CHRNA5: variants seen among roughly 807,000 people sequenced by gnomAD.
The protein encoded by CHRNA5 is neuronal acetylcholine receptor subunit alpha-5.
A neutral mutation model predicts 41.2 loss-of-function variants in CHRNA5; 28 were observed. The observed-to-expected ratio is 0.68, with a 90% confidence interval of 0.50 to 0.93. The LOEUF (loss-of-function observed/expected upper bound fraction) is 0.93, where lower values mean the gene tolerates loss of function less well. Among genes scored for constraint, CHRNA5 ranks in the 40% least tolerant of loss-of-function variants. CHRNA5 has a pLI of 0.00. For synonymous variants in CHRNA5, 188 were observed against 205.8 expected (o/e 0.91, Z 0.74); for missense variants, 481 against 581.9 (o/e 0.83, Z 1.78).
chr15:78,583,652 G>A (rs1016549647), intron 2 of CHRNA5, among the ~76,000 whole-genome samples: 11 of 150,992 alleles, frequency 7.3e-5, no homozygotes, highest in African/African-American at 2.4e-4. Context: ...CCGAGATTGC[G>A]CCACTGCACT....
exon 6 of CHRNA5, chr15:78,595,240 A>C: frequency 1.6e-5 from 15 of 964,338 alleles, no homozygotes; most frequent in Non-Finnish European, 1.9e-5. Context: ...ACTGTTACTT[A>C]TGATTTTTAT....
chr15:78,577,195 C>G (rs1000509773), intron 1 of CHRNA5, among the ~76,000 whole-genome samples: 3 of 152,196 alleles, frequency 2.0e-5, no homozygotes, highest in Non-Finnish European at 2.9e-5. Flanking sequence ...AGGTGCCCCT[C>G]AGAGCCCTGC....
At position 78,572,909 on chromosome 15, in the gene CHRNA5, C is replaced by T. The variant is rs181923667; in HGVS notation, c.106+7084C>T. Among the ~76,000 whole-genome samples, 76 of 152,176 alleles carry T rather than the reference C, an allele frequency of 5.0e-4. No individual in the cohort carries two copies. The East Asian group carries it at 0.011, about 22-fold the overall frequency. On this transcript the variant is annotated intron_variant, in intron 1 of 5. Coordinates refer to ENST00000299565, the Ensembl canonical transcript of CHRNA5. ...TTAATGGTTACCCTTGGAAGGAAGGCGAAGGAGAGGAGGAGGGAGAATTCT... is the reference window on the plus strand; with the variant it reads ...TTAATGGTTACCCTTGGAAGGAAGGTGAAGGAGAGGAGGAGGGAGAATTCT...
chr15:78,593,578 T>A (rs1448503551), exon 6 of CHRNA5: 1 of 172,760 alleles, frequency 5.8e-6, no homozygotes, highest in Non-Finnish European at 1.2e-5. Flanking sequence ...TGCTGGAGAA[T>A]TCCAGTTGTA....
intron 1 of CHRNA5, among the ~76,000 whole-genome samples, chr15:78,570,512 C>A (rs935039873): frequency 6.8e-6 from 1 of 147,220 alleles, no homozygotes; most frequent in Admixed American, 6.9e-5. Context: ...TCGAATGATC[C>A]GCCCGCCTTG....
intron 1 of CHRNA5, among the ~76,000 whole-genome samples, chr15:78,576,906 A>T (rs2052863439): frequency 6.6e-6 from 1 of 152,194 alleles, no homozygotes; most frequent in South Asian, 2.1e-4. Flanking sequence ...AATATTAACT[A>T]TTTAAAACAA....
At chr15:78,586,551 A>T (rs1041887284) in intron 2 of CHRNA5, 94 bp from the exon 3 acceptor site, 1 of 738,976 alleles carries the variant, frequency 1.4e-6, no homozygotes, top group East Asian at 2.8e-5. Flanking sequence ...CTATGTGAAG[A>T]AGAGTGTTTA....
At chr15:78,573,465 C>T (rs2052825172) in intron 1 of CHRNA5, among the ~76,000 whole-genome samples, 6 of 152,214 alleles carry the variant, frequency 3.9e-5, no homozygotes, top group Admixed American at 3.9e-4. Context: ...TCGTTTTCTG[C>T]TCTCCCTCTG....
At chr15:78,567,495 T>C (rs1184120629) in intron 1 of CHRNA5, among the ~76,000 whole-genome samples, 1 of 152,178 alleles carries the variant, frequency 6.6e-6, no homozygotes, top group Admixed American at 6.5e-5. Context: ...TCATGCATGG[T>C]GTTCAGTGTT....
intron 1 of CHRNA5, among the ~76,000 whole-genome samples, chr15:78,568,729 C>T (rs891506697): frequency 6.6e-6 from 1 of 152,090 alleles, no homozygotes; most frequent in Non-Finnish European, 1.5e-5. Context: ...AGAGAACATG[C>T]GGTGTTTGGT....
chr15:78,589,742 A>C (rs2052992745), intron 4 of CHRNA5, 63 bp from the exon 5 acceptor site: 1 of 1,286,012 alleles, frequency 7.8e-7, no homozygotes, highest in Non-Finnish European at 1.1e-6. Context: ...TTAGGCTTAT[A>C]TTAATACAAT....
chr15:78,574,637 T>G (rs2052840787), intron 1 of CHRNA5, among the ~76,000 whole-genome samples: 1 of 152,134 alleles, frequency 6.6e-6, no homozygotes, highest in South Asian at 2.1e-4. Flanking sequence ...CCATACCCAT[T>G]TAACAATTAT....
At chr15:78,579,611 A>G (rs2052891835) in intron 1 of CHRNA5, among the ~76,000 whole-genome samples, 1 of 152,094 alleles carries the variant, frequency 6.6e-6, no homozygotes, top group South Asian at 2.1e-4. Flanking sequence ...GTATCCCTAT[A>G]TCAGCATAAC....
At chr15:78,576,858 A>G (rs935091325) in intron 1 of CHRNA5, among the ~76,000 whole-genome samples, 5 of 152,120 alleles carry the variant, frequency 3.3e-5, no homozygotes, top group Non-Finnish European at 1.5e-5. Context: ...AGTGCTATAG[A>G]GATGCCAAAA....
In CHRNA5 at chr15:78,588,521, G is replaced by A. The variant is rs2052982076; in HGVS notation, c.413+98G>A. ...TTTTCTCCCTTTTGAAATTGTTTAGGTATAAAAATCAAATGACATGACCGC... is the reference window on the plus strand; with the variant it reads ...TTTTCTCCCTTTTGAAATTGTTTAGATATAAAAATCAAATGACATGACCGC... On this transcript the variant is annotated intron_variant, in intron 4 of 5. Transcript: ENST00000299565. The surrounding 1 kb of genome is among the most constrained non-coding windows in gnomAD (Gnocchi z 4.1). 5.3e-6 allele frequency: 3 copies of A among 569,848 alleles called. 1 individual carries two copies. The highest frequency in any genetic ancestry group is 6.6e-5 in the South Asian group (2 of 30,514). The allele number at this position is 569,848 out of a possible 1,614,324, so 35.3% of individuals were successfully genotyped here.
intron 5 of CHRNA5, among the ~76,000 whole-genome samples, chr15:78,591,809 C>A (rs1294615124): frequency 6.6e-6 from 1 of 152,136 alleles, no homozygotes; most frequent in Non-Finnish European, 1.5e-5. Flanking sequence ...ATAAAAACTT[C>A]TAATGCTTGT....
chr15:78,565,692 G>T (rs2141390881), exon 1 of CHRNA5: 1 of 1,006,884 alleles, frequency 9.9e-7, no homozygotes, highest in Non-Finnish European at 1.2e-6. Flanking sequence ...AGAGGCGGCT[G>T]CCCGCGGTCC....
intron 1 of CHRNA5, among the ~76,000 whole-genome samples, chr15:78,570,561 C>T (rs542190478): frequency 3.3e-5 from 5 of 151,582 alleles, no homozygotes; most frequent in Non-Finnish European, 5.9e-5. Context: ...TGAGCCACCA[C>T]GCCCGGCCCC....
exon 2 of CHRNA5, chr15:78,580,920 A>G (rs145146999): frequency 1.2e-6 from 2 of 1,614,028 alleles, no homozygotes; most frequent in African/African-American, 2.7e-5. Flanking sequence ...ATGACAAAAT[A>G]AAAATAAAAT....
Sources: allele counts gnomAD v4.1 joint callset (sites outside exome capture counted in the v4.1 genomes callset), GRCh38; gene constraint gnomAD v4.1.1; non-coding constraint Gnocchi (gnomAD v3.1); transcripts MANE v1.5; gene names NCBI Gene and HGNC (gene_info 2026-07-23, HGNC 2026-07-21).